The following PDE4D variants were observed in gnomAD, a reference collection of about 807,000 sequenced individuals.
The protein encoded by PDE4D is phosphodiesterase 4D, also known as 3',5'-cyclic-AMP phosphodiesterase 4D.
A neutral mutation model predicts 87.4 loss-of-function variants in PDE4D; 24 were observed. The observed-to-expected ratio is 0.27, with a 90% CI of 0.20 to 0.39. The LOEUF (loss-of-function observed/expected upper bound fraction) is 0.39, where lower values mean the gene tolerates loss of function less well. Ranked by LOEUF, PDE4D falls within the 10% of genes least tolerant of loss-of-function variation. The pLI is 1.00. For missense variants in PDE4D, 714 were observed against 1,041.0 expected (o/e 0.69, Z 4.32); for synonymous variants, 384 against 383.2 (o/e 1.00, Z -0.02).
At chr5:59,715,319 CCATGGGGCCTAAGGA>C (rs1203100571) in intron 1 of PDE4D, among the ~76,000 whole-genome samples, 1 of 152,182 alleles carries the variant, frequency 6.6e-6, no homozygotes, top group Non-Finnish European at 1.5e-5. Context: ...CAAGATAAGG[CCATGGGGCCTAAGGA>C]CATGGGGCCT....
intron 1 of PDE4D, among the ~76,000 whole-genome samples, chr5:59,820,654 A>G (rs989224397): frequency 6.6e-6 from 1 of 152,246 alleles, no homozygotes; most frequent in Non-Finnish European, 1.5e-5. Context: ...ACGAACATGC[A>G]GGAAAAGTCT....
At chr5:60,162,054 A>G (rs559039846) in intron 2 of PDE4D, among the ~76,000 whole-genome samples, 1 of 152,286 alleles carries the variant, frequency 6.6e-6, no homozygotes, top group South Asian at 2.1e-4. Flanking sequence ...ACTCTTAACA[A>G]GAGGAAAGTG....
chr5:59,940,485 T>C lies in PDE4D; in HGVS notation c.272+48003A>G, dbSNP rs563043089. On this transcript the variant is annotated intron_variant, in intron 3 of 16. Transcript: ENST00000502484. The stretch of plus-strand genomic sequence containing the variant: ...AGGACACAAACGAAAGGTATTTAAA[T>C]GGGTTTGGTTTTCAATATGATGGGG... Among the ~76,000 whole-genome samples the C allele has an allele frequency of 2.0e-5, 3 of 152,128 alleles. No individual in the cohort carries two copies. In the South Asian group the frequency reaches 6.2e-4, roughly 32 times the overall value.
intron 1 of PDE4D, among the ~76,000 whole-genome samples, chr5:59,293,877 G>A (rs957673198): frequency 2.6e-5 from 4 of 152,130 alleles, no homozygotes; most frequent in Admixed American, 2.6e-4. Flanking sequence ...TGCATTGGAG[G>A]ACTGTGAGTC....
chr5:60,306,807 T>C (rs983713449), intron 1 of PDE4D, among the ~76,000 whole-genome samples: 2 of 151,806 alleles, frequency 1.3e-5, no homozygotes, highest in Non-Finnish European at 2.9e-5. Context: ...AACCGGAACA[T>C]AGGAAAACAA....
At chr5:59,965,442 G>C (rs1453719017) in intron 3 of PDE4D, among the ~76,000 whole-genome samples, 2 of 152,116 alleles carry the variant, frequency 1.3e-5, no homozygotes, top group African/African-American at 2.4e-5. Flanking sequence ...CTTGATCCAT[G>C]AGAGCAGGGA....
Position 59,790,900 on chromosome 5 carries a change from C to T in PDE4D, c.455+102268G>A, listed in dbSNP as rs1421991812. 2.6e-5 allele frequency among the ~76,000 whole-genome samples: 4 copies of T among 152,208 alleles called. No individual in the cohort carries two copies. In the East Asian group the frequency reaches 7.7e-4, roughly 29 times the overall value. Reference sequence around the variant, plus strand: ...GTTTCTTTCTCTGATAATAATTTTGCTTTCATTGTGCTCAGCGTGGGTTCT... The same window carrying T: ...GTTTCTTTCTCTGATAATAATTTTGTTTTCATTGTGCTCAGCGTGGGTTCT... On this transcript the variant is annotated intron_variant, in intron 1 of 14. Coordinates refer to ENST00000340635, the MANE Select transcript of PDE4D (RefSeq NM_001104631.2).
chr5:58,986,212 C>A (rs1395434551), intron 11 of PDE4D, among the ~76,000 whole-genome samples: 2 of 152,220 alleles, frequency 1.3e-5, no homozygotes, highest in Non-Finnish European at 2.9e-5. Flanking sequence ...AGCAAAATGA[C>A]TTTAAACAGA....
intron 1 of PDE4D, chr5:59,592,093 G>A (rs1444969010): frequency 1.0e-6 from 1 of 981,916 alleles, no homozygotes; most frequent in African/African-American, 1.8e-5. Flanking sequence ...CCACCTCCCA[G>A]CAAGAAAAGA....
intron 3 of PDE4D, among the ~76,000 whole-genome samples, chr5:59,974,840 T>C (rs770228348): frequency 3.3e-5 from 5 of 152,176 alleles, no homozygotes; most frequent in Middle Eastern, 3.2e-3. Context: ...TTCCATATTA[T>C]TCAATCAGTT....
intron 1 of PDE4D, among the ~76,000 whole-genome samples, chr5:59,599,213 C>G (rs941649774): frequency 6.8e-6 from 1 of 147,950 alleles, no homozygotes; most frequent in Non-Finnish European, 1.5e-5. Flanking sequence ...TAGTAGATAG[C>G]AAAATGCTGT....
intron 3 of PDE4D, among the ~76,000 whole-genome samples, chr5:59,927,952 A>T (rs1245080403): frequency 6.6e-6 from 1 of 152,172 alleles, no homozygotes; most frequent in African/African-American, 2.4e-5. Context: ...CTTAAACTGT[A>T]TTTCATTTTG....
At chr5:59,362,367 C>T (rs1215276072) in intron 1 of PDE4D, among the ~76,000 whole-genome samples, 1 of 152,098 alleles carries the variant, frequency 6.6e-6, no homozygotes, top group East Asian at 1.9e-4. Context: ...ATAGATAACA[C>T]TTTTCTCTAT....
intron 3 of PDE4D, among the ~76,000 whole-genome samples, chr5:59,949,942 G>A (rs531881185): frequency 6.6e-6 from 1 of 152,194 alleles, no homozygotes; most frequent in South Asian, 2.1e-4. Flanking sequence ...TAACACAAAA[G>A]TTATGTGTTT....
chr5:59,430,779 G>A (rs1795991096), intron 1 of PDE4D, among the ~76,000 whole-genome samples: 3 of 152,008 alleles, frequency 2.0e-5, no homozygotes, highest in African/African-American at 7.2e-5. Flanking sequence ...GTCTAACGTT[G>A]AAAAGAACAT....
intron 2 of PDE4D, among the ~76,000 whole-genome samples, chr5:59,200,141 G>GCACACACA (rs1450246436): frequency 2.1e-4 from 31 of 149,210 alleles, no homozygotes; most frequent in Non-Finnish European, 3.4e-4. Flanking sequence ...ATACATGTAT[G>GCACACACA]TACACGTATA....
intron 1 of PDE4D, among the ~76,000 whole-genome samples, chr5:59,256,760 T>C (rs1310915305): frequency 6.6e-6 from 1 of 152,046 alleles, no homozygotes; most frequent in Non-Finnish European, 1.5e-5. Context: ...TAAATGGACA[T>C]ATCTGTGCAG....
intron 1 of PDE4D, among the ~76,000 whole-genome samples, chr5:59,800,301 G>T (rs563291356): frequency 2.0e-5 from 3 of 151,864 alleles, no homozygotes; most frequent in South Asian, 2.1e-4. Context: ...ACAAAAGCTC[G>T]CAAAGTGCAT....
intron 1 of PDE4D, among the ~76,000 whole-genome samples, chr5:59,290,275 A>C (rs370449431): frequency 1.6e-4 from 25 of 152,034 alleles, no homozygotes; most frequent in African/African-American, 6.0e-4. Context: ...GAATCCATAC[A>C]TCTACAGCGA....
Sources: gnomAD v4.1 joint callset for allele counts (sites outside exome capture counted in the v4.1 genomes callset) on GRCh38, gnomAD v4.1.1 for gene constraint, MANE v1.5 for transcripts, NCBI Gene and HGNC (gene_info 2026-07-23, HGNC 2026-07-21) for gene names.